Variants in MANSC1 observed in about 807,000 individuals in gnomAD.
MANSC1 encodes the protein MANSC domain containing 1, also known as MANSC domain-containing protein 1.
MANSC1 carries 13 observed loss-of-function variants against 14.1 expected under a neutral mutation model. The ratio of observed to expected loss-of-function variants is 0.92; its 90% CI spans 0.60 to 1.46. The LOEUF (loss-of-function observed/expected upper bound fraction) is 1.46. Ranked by LOEUF, MANSC1 falls within the 40% of genes most tolerant of loss-of-function variation. The pLI is 0.00. For missense variants in MANSC1, 486 were observed against 511.4 expected (o/e 0.95, Z 0.48); for synonymous variants, 227 against 200.7 (o/e 1.13, Z -1.11).
intron 1 of MANSC1, among the ~76,000 whole-genome samples, chr12:12,344,916 CATATATATATAT>C (rs536743365): frequency 0.025 from 829 of 33,532 alleles, 20 homozygotes; most frequent in Admixed American, 0.036. Context: ...AATAAACTCC[CATATATATATAT>C]ATATATATAT....
chr12:12,330,435 T>C lies in MANSC1; in HGVS notation c.888A>G (p.Ala296=), dbSNP rs747028902. The C allele has an allele frequency of 1.2e-6, 2 of 1,614,222 alleles. No homozygotes were observed. Among genetic ancestry groups the C allele is most frequent in the South Asian group, 1.1e-5 (1 of 91,080 alleles). The part of the protein sequence containing the change: ...VFTRAAATLQ[A]MATTAVLTTT... ...TAGTCAGAACTGCTGTTGTAGCCAT[T>C]GCTTGGAGTGTAGCCGCAGCCCGTG... Residue 296 remains alanine, a synonymous_variant, in exon 4 of 4, where the codon GCA becomes GCG. Transcript: ENST00000535902.
rs1862718176 is a variant in MANSC1, at chr12:12,327,093, A to AG, written c.*2933dup. On this transcript the variant is annotated 3_prime_UTR_variant, in exon 4 of 4. Coordinates refer to ENST00000535902, the MANE Select transcript of MANSC1 (RefSeq NM_018050.4). ...CCAAAGTGCTGGGATTACAGGCGTG[A>AG]GCCACCACGCCTGGCCAAGAGTAGC... is the stretch of plus-strand genomic sequence containing the variant. The AG allele has an allele frequency of 6.6e-6, 1 of 152,414 alleles. No individual in the cohort carries two copies. Among genetic ancestry groups the AG allele is most frequent in the Admixed American group, 6.6e-5 (1 of 15,262 alleles). The allele number at this position is 152,414 out of a possible 1,614,324, so 9.4% of individuals were successfully genotyped here.
intron 3 of MANSC1, among the ~76,000 whole-genome samples, chr12:12,333,181 G>A (rs1453721214): frequency 6.6e-6 from 1 of 151,912 alleles, no homozygotes; most frequent in Non-Finnish European, 1.5e-5. Context: ...TGAGCAGCTG[G>A]GGCCACAATG....
rs143712340 is a variant in MANSC1, at chr12:12,346,293, T to C, written c.-100-2879A>G. ...CTCAAAAAAAAAAAGGTATCAGTGCTTCCCAACTTGAGCTACAGATTAAAT... is the reference window on the plus strand; with the variant it reads ...CTCAAAAAAAAAAAGGTATCAGTGCCTCCCAACTTGAGCTACAGATTAAAT... On this transcript the variant is annotated intron_variant, in intron 1 of 3. Transcript: ENST00000535902. 1.6e-3 allele frequency among the ~76,000 whole-genome samples: 247 copies of C among 151,994 alleles called. 3 individuals carry two copies. Among genetic ancestry groups the C allele is most frequent in the African/African-American group, 5.8e-3 (241 of 41,462 alleles).
intron 1 of MANSC1, among the ~76,000 whole-genome samples, chr12:12,343,987 C>T (rs1206021212): frequency 6.6e-6 from 1 of 151,916 alleles, no homozygotes; most frequent in Non-Finnish European, 1.5e-5. Context: ...GTGGCGCATG[C>T]CTGTGGTCCC....
At chr12:12,347,970 GA>G (rs1343388617) in intron 1 of MANSC1, among the ~76,000 whole-genome samples, 2 of 152,020 alleles carry the variant, frequency 1.3e-5, no homozygotes, top group Non-Finnish European at 2.9e-5. Flanking sequence ...GGCTGAGGCA[GA>G]AGAATCGCTT....
Position 12,330,102 on chromosome 12 carries a change from G to T in MANSC1, c.1221C>A (p.Ile407=), listed in dbSNP as rs375526137. 36 of 1,614,108 alleles carry T rather than the reference G, an allele frequency of 2.2e-5. No homozygotes were observed. The highest frequency in any genetic ancestry group is 3.1e-5 in the Non-Finnish European group (36 of 1,180,020). The stretch of plus-strand genomic sequence containing the variant: ...GTTTCCTGCGGAGTGATTCCGAGAG[G>T]ATTCTACCCAGGAGGACGAGGCCTA... ...LVIGLVLLGR[I]LSESLRRKRY... The change falls in exon 4 of 4, where the codon ATC becomes ATA. Residue 407 remains isoleucine (I), a synonymous_variant. Coordinates refer to ENST00000535902, the MANE Select transcript of MANSC1 (RefSeq NM_018050.4).
At chr12:12,346,785 A>C (rs1242999831) in intron 1 of MANSC1, among the ~76,000 whole-genome samples, 1 of 152,252 alleles carries the variant, frequency 6.6e-6, no homozygotes, top group East Asian at 1.9e-4. Flanking sequence ...AAAATAACAG[A>C]AGAAAATCCT....
chr12:12,344,078 A>C (rs1862973071), intron 1 of MANSC1, among the ~76,000 whole-genome samples: 1 of 152,016 alleles, frequency 6.6e-6, no homozygotes. Context: ...ACACCACTGC[A>C]CTCCAGCCTG....
At position 12,326,483 on chromosome 12, in the gene MANSC1, C is replaced by CCCA. The variant is rs1189600916; in HGVS notation, c.*3541_*3543dup. On this transcript the variant is annotated 3_prime_UTR_variant, in exon 4 of 4. Transcript: ENST00000535902. ...GCTGCTGGGCAGCTGACCGGTAGTG[C>CCCA]CCACCACAGTCTGGGAGCCAAAGAG... The CCCA allele has an allele frequency of 2.6e-5, 4 of 152,282 alleles. No individual in the cohort carries two copies. The highest frequency in any genetic ancestry group is 7.2e-5 in the African/African-American group (3 of 41,446). The allele number at this position is 152,282 out of a possible 1,614,324, so 9.4% of individuals were successfully genotyped here.
chr12:12,343,585 AC>A (rs1339160536), intron 1 of MANSC1, among the ~76,000 whole-genome samples, 171 bp from the exon 2 acceptor site: 8 of 152,244 alleles, frequency 5.3e-5, no homozygotes, highest in African/African-American at 1.7e-4. Flanking sequence ...TTTTCATTAA[AC>A]ATTTGGCAAA....
At chr12:12,331,740 G>C (rs926269598) in intron 3 of MANSC1, among the ~76,000 whole-genome samples, 1 of 152,116 alleles carries the variant, frequency 6.6e-6, no homozygotes, top group Admixed American at 6.6e-5. Context: ...GGCAGGGTCT[G>C]GTCTCCGCTC....
Position 12,346,598 on chromosome 12 carries a change from G to A in MANSC1, c.-100-3184C>T, listed in dbSNP as rs190665136. Among the ~76,000 whole-genome samples, 7 of 152,300 alleles carry A rather than the reference G, an allele frequency of 4.6e-5. No individual in the cohort carries two copies. The East Asian group carries it at 1.3e-3, about 29-fold the overall frequency. Reference sequence around the variant, plus strand: ...AACTGATCTTTGACAAAGGAGCAAAGGGGATTCAATGGAGAAAGGACAGTC... The same window carrying A: ...AACTGATCTTTGACAAAGGAGCAAAAGGGATTCAATGGAGAAAGGACAGTC... On this transcript the variant is annotated intron_variant, in intron 1 of 3. Coordinates refer to ENST00000535902, the MANE Select transcript of MANSC1 (RefSeq NM_018050.4).
At position 12,329,378 on chromosome 12, in the gene MANSC1, T is replaced by C. The variant is rs1862750675; in HGVS notation, c.*649A>G. On this transcript the variant is annotated 3_prime_UTR_variant, in exon 4 of 4. Coordinates refer to ENST00000535902, the MANE Select transcript of MANSC1 (RefSeq NM_018050.4). ...ATCCATTAGAAATTGATATAAACAG[T>C]TGATTTTATCTGGAACCAAGAATGT... is the stretch of plus-strand genomic sequence containing the variant. 6.6e-6 allele frequency: 1 copy of C among 152,328 alleles called. No homozygotes were observed. The allele number at this position is 152,328 out of a possible 1,614,324, so 9.4% of individuals were successfully genotyped here. A position where few individuals can be genotyped will look rare whatever the true frequency, so the allele number is the denominator to read the frequency against.
In MANSC1 at chr12:12,326,165, C is replaced by T. The variant is rs545668381; in HGVS notation, c.*3862G>A. ...AAGGCATCCCGGAGACTGGACTCTTCCTGTACCCACTGCCACGCTCAGTGT... is the reference window on the plus strand; with the variant it reads ...AAGGCATCCCGGAGACTGGACTCTTTCTGTACCCACTGCCACGCTCAGTGT... On this transcript the variant is annotated 3_prime_UTR_variant, in exon 4 of 4. Coordinates refer to ENST00000535902, the MANE Select transcript of MANSC1 (RefSeq NM_018050.4). 2 of 152,302 alleles carry T rather than the reference C, an allele frequency of 1.3e-5. No individual in the cohort carries two copies. Among genetic ancestry groups the T allele is most frequent in the Admixed American group, 6.5e-5 (1 of 15,298 alleles). 9.4% of individuals were successfully genotyped at this position (152,302 alleles called of 1,614,324 possible).
At chr12:12,346,132 G>A (rs895148671) in intron 1 of MANSC1, among the ~76,000 whole-genome samples, 2 of 152,144 alleles carry the variant, frequency 1.3e-5, no homozygotes, top group African/African-American at 2.4e-5. Flanking sequence ...AGTTAGCTGG[G>A]CGTGGTGGCG....
At position 12,341,711 on chromosome 12, in the gene MANSC1, G is replaced by C. The variant is rs150965980; in HGVS notation, c.223+1381C>G. Among the ~76,000 whole-genome samples the C allele has an allele frequency of 7.2e-5, 11 of 152,268 alleles. No homozygotes were observed. In the East Asian group the frequency reaches 2.1e-3, roughly 29 times the overall value. ...TTCGATCAAAGCTCACTGTAGGCTG[G>C]GTGCGGTGGCTCACACACTTTGGGA... On this transcript the variant is annotated intron_variant, in intron 2 of 3. Coordinates refer to ENST00000535902, the MANE Select transcript of MANSC1 (RefSeq NM_018050.4).
Position 12,330,918 on chromosome 12 carries a change from T to C in MANSC1, c.405A>G (p.Leu135=), listed in dbSNP as rs1459830532. Residue 135 remains leucine (L), a synonymous_variant, in exon 4 of 4, where the codon TTA becomes TTG. Coordinates refer to ENST00000535902, the MANE Select transcript of MANSC1 (RefSeq NM_018050.4). The part of the protein sequence containing the change: ...SLTRNLPSQE[L]PQEDSLLHGQ... ...CATGTAAGAGAGAATCTTCCTGGGG[T>C]AACTCTTGGCTTGGCAAATTTCTGG... 7.5e-6 allele frequency: 12 copies of C among 1,600,694 alleles called. No individual in the cohort carries two copies. Among genetic ancestry groups the C allele is most frequent in the Non-Finnish European group, 1.0e-5 (12 of 1,174,842 alleles).
intron 3 of MANSC1, among the ~76,000 whole-genome samples, chr12:12,335,187 T>TATGTCC (rs1252926241): frequency 1.3e-5 from 2 of 152,020 alleles, no homozygotes; most frequent in Non-Finnish European, 2.9e-5. Flanking sequence ...GAATAGCCCA[T>TATGTCC]ATGTCCACTA....
Sources: allele counts gnomAD v4.1 joint callset (sites outside exome capture counted in the v4.1 genomes callset), GRCh38; gene constraint gnomAD v4.1.1; transcripts MANE v1.5; gene names NCBI Gene and HGNC (gene_info 2026-07-23, HGNC 2026-07-21).